Variants in ADAM23 observed in about 807,000 individuals in gnomAD.
The protein encoded by ADAM23 is ADAM metallopeptidase domain 23.
A neutral mutation model predicts 120.1 loss-of-function variants in ADAM23; 33 were observed. The ratio of observed to expected loss-of-function variants is 0.27; its 90% CI spans 0.21 to 0.37. The LOEUF is 0.37. ADAM23 is among the 10% of genes least tolerant of loss of function. The pLI is 1.00. For missense variants in ADAM23, 862 were observed against 1,058.2 expected, an observed-to-expected ratio of 0.81 and a Z score of 2.57; for synonymous variants, 367 against 375.2, an observed-to-expected ratio of 0.98 and a Z score of 0.25.
intron 18 of ADAM23, 52 bp from the exon 19 acceptor site, chr2:206,587,273 T>A: frequency 1.4e-6 from 2 of 1,381,968 alleles, no homozygotes; most frequent in East Asian, 2.3e-5. Flanking sequence ...ATGTACATTA[T>A]CTGAAGGTAC....
intron 9 of ADAM23, among the ~76,000 whole-genome samples, chr2:206,550,514 T>C (rs1697491554): frequency 6.6e-6 from 1 of 152,176 alleles, no homozygotes; most frequent in Non-Finnish European, 1.5e-5. Flanking sequence ...TACTAGTTAA[T>C]TATGCTTATG....
chr2:206,497,338 C>T (rs7588760), intron 3 of ADAM23, among the ~76,000 whole-genome samples: 6,715 of 152,212 alleles, frequency 0.044, 510 homozygotes, highest in African/African-American at 0.15. Context: ...GGATGCAAGG[C>T]TGGTTCAACA....
chr2:206,510,569 C>T (rs1184588193), intron 3 of ADAM23, among the ~76,000 whole-genome samples: 2 of 152,172 alleles, frequency 1.3e-5, no homozygotes, highest in African/African-American at 4.8e-5. Context: ...ATGGTTTCTC[C>T]ATACTTCCTG....
intron 3 of ADAM23, among the ~76,000 whole-genome samples, chr2:206,517,644 A>C (rs1331212476): frequency 6.6e-6 from 1 of 152,128 alleles, no homozygotes; most frequent in Non-Finnish European, 1.5e-5. Context: ...TGACTCTGCT[A>C]GACCACAAGC....
intron 3 of ADAM23, among the ~76,000 whole-genome samples, chr2:206,501,671 C>T (rs1003166017): frequency 6.6e-6 from 1 of 152,038 alleles, no homozygotes; most frequent in African/African-American, 2.4e-5. Context: ...TGCTATTAAA[C>T]AGCAGGAGAT....
intron 6 of ADAM23, among the ~76,000 whole-genome samples, chr2:206,545,590 G>A (rs542446880): frequency 2.6e-5 from 4 of 152,238 alleles, no homozygotes; most frequent in East Asian, 1.9e-4. Flanking sequence ...TGGTTATGGC[G>A]ATGTATGTAT....
At chr2:206,494,941 T>G (rs1014580442) in intron 3 of ADAM23, among the ~76,000 whole-genome samples, 2 of 151,830 alleles carry the variant, frequency 1.3e-5, no homozygotes, top group Non-Finnish European at 2.9e-5. Flanking sequence ...GAAGAGAAGT[T>G]TAGATAAAAA....
intron 3 of ADAM23, among the ~76,000 whole-genome samples, chr2:206,490,714 C>T (rs1696115983): frequency 6.6e-6 from 1 of 152,148 alleles, no homozygotes; most frequent in South Asian, 2.1e-4. Context: ...CTCCTGAAGC[C>T]ACCCTTTCCT....
At position 206,543,975 on chromosome 2, in the gene ADAM23, C is replaced by T. The variant is rs572076765; in HGVS notation, c.720+659C>T. 7.6e-4 allele frequency among the ~76,000 whole-genome samples: 115 copies of T among 152,250 alleles called. 3 individuals are homozygous for T. The South Asian group carries it at 0.015, about 19-fold the overall frequency. ...AATGATACATTGGACTTTGGAGGCT[C>T]GGGAAAGTGGAAGGTGGTGAGTGAT... On this transcript the variant is annotated intron_variant, in intron 6 of 25. Transcript: ENST00000264377.
Position 206,530,919 on chromosome 2 carries a change from T to C in ADAM23, c.544T>C (p.Tyr182His). Residue 182 changes from tyrosine (Y) to histidine (H), a missense_variant, in exon 4 of 26, where the codon TAC becomes CAC. Around this residue, in one of 4 missense-constraint regions of ADAM23, gnomAD observed 617 missense variants for 813.5 expected, o/e 0.76. Coordinates refer to ENST00000264377, the MANE Select transcript of ADAM23 (RefSeq NM_003812.4). ...GTCTTCTGATTATGTGGAGATTCAC[T>C]ACGAAAATGGGAAACCACAGTACTC... ...LLSSDYVEIH[Y>H]ENGKPQYSKG... The C allele has an allele frequency of 1.2e-6, 2 of 1,613,958 alleles. No homozygotes were observed. Among genetic ancestry groups the C allele is most frequent in the Non-Finnish European group, 1.7e-6 (2 of 1,179,934 alleles).
chr2:206,596,545 G>A (rs568829427), intron 24 of ADAM23, among the ~76,000 whole-genome samples: 1 of 152,140 alleles, frequency 6.6e-6, no homozygotes, highest in Non-Finnish European at 1.5e-5. Context: ...ACTTTTCAAT[G>A]TTGGAATCTC....
rs142472844 is a variant in ADAM23 at position 206,607,443 on chromosome 2, T to TA, written c.2360-2466dup. Among the ~76,000 whole-genome samples the TA allele has an allele frequency of 7.4e-3, 1,127 of 152,324 alleles. 21 individuals carry two copies. Among genetic ancestry groups the TA allele is most frequent in the African/African-American group, 0.026 (1,075 of 41,572 alleles). ...TCATCCCAAATGCATTTTTTAACAT[T>TA]ATACATTGGCTGTAACTTTGGTGTC... is the stretch of plus-strand genomic sequence containing the variant. On this transcript the variant is annotated intron_variant, in intron 24 of 25. Coordinates refer to ENST00000264377, the MANE Select transcript of ADAM23 (RefSeq NM_003812.4).
At chr2:206,608,454 C>T (rs939654035) in intron 24 of ADAM23, among the ~76,000 whole-genome samples, 2 of 152,264 alleles carry the variant, frequency 1.3e-5, no homozygotes, top group South Asian at 2.1e-4. Flanking sequence ...CCACCTCATA[C>T]GATTTTTGTA....
At chr2:206,601,410 A>C (rs563964609) in intron 24 of ADAM23, among the ~76,000 whole-genome samples, 1 of 152,326 alleles carries the variant, frequency 6.6e-6, no homozygotes, top group East Asian at 1.9e-4. Flanking sequence ...GGCAGAGCCA[A>C]TAATATAACA....
At position 206,547,459 on chromosome 2, in the gene ADAM23, A is replaced by C. The variant is rs1364149866; in HGVS notation, c.751A>C (p.Lys251Gln). 1.9e-6 allele frequency: 3 copies of C among 1,613,310 alleles called. No homozygotes were observed. The Admixed American group carries it at 5.0e-5, about 27-fold the overall frequency. Residue 251 changes from lysine (K) to glutamine (Q), a missense_variant, in exon 7 of 26, where the codon AAA (lysine) becomes CAA (glutamine). Around this residue, in one of 4 missense-constraint regions of ADAM23, gnomAD observed 617 missense variants for 813.5 expected, o/e 0.76. Coordinates refer to ENST00000264377, the MANE Select transcript of ADAM23 (RefSeq NM_003812.4). ...KSTGRPHIIQ[K>Q]TLAGQYSKQM... ...CACAGGTCGACCACATATAATCCAG[A>C]AAACCTTGGCAGGACAGTATTCTAA... is the stretch of plus-strand genomic sequence containing the variant.
At chr2:206,596,240 A>G in intron 24 of ADAM23, 78 bp downstream of exon 24, 1 of 1,111,662 alleles carries the variant, frequency 9.0e-7, no homozygotes, top group Non-Finnish European at 1.3e-6. Context: ...TAACATTCTA[A>G]TTGACTTAAG....
chr2:206,600,192 A>G lies in ADAM23; in HGVS notation c.2359+4030A>G, dbSNP rs1408074700. 3.9e-5 allele frequency among the ~76,000 whole-genome samples: 6 copies of G among 152,214 alleles called. No homozygotes were observed. The East Asian group carries it at 1.2e-3, about 29-fold the overall frequency. On this transcript the variant is annotated intron_variant, in intron 24 of 25. Coordinates refer to ENST00000264377, the MANE Select transcript of ADAM23 (RefSeq NM_003812.4). ...ACTCCAACCTGGGCAACAGAGTGAG[A>G]CACTGTCTCAGGAAAAAAAACCAAA...
Position 206,560,083 on chromosome 2 carries a change from C to T in ADAM23, c.1134C>T (p.Arg378=). 6.2e-7 allele frequency: 1 copy of T among 1,614,112 alleles called. No individual in the cohort carries two copies. Among genetic ancestry groups the T allele is most frequent in the Non-Finnish European group, 8.5e-7 (1 of 1,179,956 alleles). The part of the protein sequence containing the change: ...MLHEFSKYRQ[R]IKQHADAVHL... ...ATGAGTTCTCAAAATACCGGCAGCGCATTAAGCAGCATGCTGATGCTGTGC... is the reference window on the plus strand; with the variant it reads ...ATGAGTTCTCAAAATACCGGCAGCGTATTAAGCAGCATGCTGATGCTGTGC... The change falls in exon 11 of 26, where the codon CGC becomes CGT. Residue 378 remains arginine (R), a synonymous_variant. Coordinates refer to ENST00000264377, the MANE Select transcript of ADAM23 (RefSeq NM_003812.4).
intron 2 of ADAM23, among the ~76,000 whole-genome samples, chr2:206,477,897 A>AATATATAT (rs71034457): frequency 1.5e-4 from 14 of 93,574 alleles, no homozygotes; most frequent in Admixed American, 6.3e-4. Context: ...AAAAAAAAAA[A>AATATATAT]ATATATATAT....
Sources: allele counts gnomAD v4.1 joint callset (sites outside exome capture counted in the v4.1 genomes callset), GRCh38; gene constraint gnomAD v4.1.1; regional missense constraint gnomAD v4.1.1; transcripts MANE v1.5; gene names NCBI Gene and HGNC (gene_info 2026-07-23, HGNC 2026-07-21).